Variants in SLC22A11 observed in about 807,000 individuals in gnomAD.
SLC22A11 encodes the protein solute carrier family 22 member 11.
In SLC22A11, 42 loss-of-function variants were observed where a neutral mutation model predicts 49.4. The observed-to-expected ratio is 0.85, with a 90% CI of 0.66 to 1.10. SLC22A11 has a LOEUF of 1.10. SLC22A11 is among the 50% of genes least tolerant of loss of function. The probability of loss-of-function intolerance (pLI) is 0.00; values close to 1 mark genes in which losing one functional copy is unlikely to be tolerated. For missense variants in SLC22A11, 685 were observed against 731.6 expected (o/e 0.94, Z 0.74); for synonymous variants, 304 against 315.8 (o/e 0.96, Z 0.40).
Position 64,565,357 on chromosome 11 carries a change from C to G in SLC22A11, c.1058+20C>G. 1 of 1,539,064 alleles carries G rather than the reference C, an allele frequency of 6.5e-7. No homozygotes were observed. Among genetic ancestry groups the G allele is most frequent in the Non-Finnish European group, 8.8e-7 (1 of 1,140,812 alleles). ...GGTGAAGTACGCCGTCCTGGTGTCCCTCCCCAAGGCAGGGCTGGGACAGGC... is the reference window on the plus strand; with the variant it reads ...GGTGAAGTACGCCGTCCTGGTGTCCGTCCCCAAGGCAGGGCTGGGACAGGC... On this transcript the variant is annotated intron_variant, in intron 6 of 9. Coordinates refer to ENST00000301891, the MANE Select transcript of SLC22A11 (RefSeq NM_018484.4). The surrounding 1 kb of genome is among the most constrained non-coding windows in gnomAD (Gnocchi z 4.1).
At chr11:64,569,524 A>T in intron 8 of SLC22A11, 128 bp from the exon 9 acceptor site, 3 of 924,188 alleles carry the variant, frequency 3.2e-6, no homozygotes, top group Non-Finnish European at 4.9e-6. Context: ...AGGTGGCATT[A>T]GAGGAGGCCT....
At chr11:64,556,527 C>T (rs2038462792) in intron 1 of SLC22A11, 135 bp downstream of exon 1, 1 of 1,369,342 alleles carries the variant, frequency 7.3e-7, no homozygotes, top group Non-Finnish European at 9.9e-7. Context: ...TCGTCAGCCA[C>T]ACACAGGGGA....
At chr11:64,568,222 G>C (rs962386281) in intron 7 of SLC22A11, among the ~76,000 whole-genome samples, 5 of 152,210 alleles carry the variant, frequency 3.3e-5, no homozygotes, top group African/African-American at 1.2e-4. Flanking sequence ...CAACGCGTTG[G>C]GGAGGCCAGG....
rs2038592477 is a variant in SLC22A11 at position 64,564,292 on chromosome 11, A to T, written c.822-16A>T. 1 of 1,613,602 alleles carries T rather than the reference A, an allele frequency of 6.2e-7. No individual in the cohort carries two copies. Among genetic ancestry groups the T allele is most frequent in the East Asian group, 2.2e-5 (1 of 44,874 alleles). On this transcript the variant is annotated splice_polypyrimidine_tract_variant and intron_variant, in intron 4 of 9. Coordinates refer to ENST00000301891, the MANE Select transcript of SLC22A11 (RefSeq NM_018484.4). This position sits in a 1 kb window ranked among gnomAD's most constrained non-coding sequence, Gnocchi z 4.2. ...GCCCAGCGTGCACTCCCAGCTACAC[A>T]CCTGCCTCCTTACAGGTGGCTGCCA...
chr11:64,556,255 C>A lies in SLC22A11; in HGVS notation c.256C>A (p.Arg86Ser). 1 of 1,613,844 alleles carries A rather than the reference C, an allele frequency of 6.2e-7. No homozygotes were observed. Among genetic ancestry groups the A allele is most frequent in the Non-Finnish European group, 8.5e-7 (1 of 1,180,030 alleles). ...CCCCAACCAGGGGCCCCACCAGTGC[C>A]GCCGCTTCCGCCAGCCACAGTGGCA... ...PGPNQGPHQC[R>S]RFRQPQWQLL... The change falls in exon 1 of 10, where the codon CGC (arginine) becomes AGC (serine). Residue 86 changes from arginine (R) to serine (S), a missense_variant. Coordinates refer to ENST00000301891, the MANE Select transcript of SLC22A11 (RefSeq NM_018484.4).
Position 64,564,519 on chromosome 11 carries a change from G to T in SLC22A11, c.942+91G>T. ...GCCTCCAACAGCACCACCCACTCCAGCACCACCTCCACCAGCACCACCACC... is the reference window on the plus strand; with the variant it reads ...GCCTCCAACAGCACCACCCACTCCATCACCACCTCCACCAGCACCACCACC... On this transcript the variant is annotated intron_variant, in intron 5 of 9. Transcript: ENST00000301891. This position sits in a 1 kb window ranked among gnomAD's most constrained non-coding sequence, Gnocchi z 4.2. 1.3e-6 allele frequency: 2 copies of T among 1,495,124 alleles called. No homozygotes were observed. The highest frequency in any genetic ancestry group is 2.0e-4 in the Middle Eastern group (1 of 4,916). The allele number at this position is 1,495,124 out of a possible 1,614,324, so 92.6% of individuals were successfully genotyped here. A position where few individuals can be genotyped will look rare whatever the true frequency, so the allele number is the denominator to read the frequency against.
rs754899600 is a variant in SLC22A11, at chr11:64,567,774, G to C, written c.1234G>C (p.Ala412Pro). The C allele has an allele frequency of 1.2e-5, 20 of 1,609,798 alleles. 2 individuals are homozygous for C. The South Asian group carries it at 2.1e-4, about 17-fold the overall frequency. ...CATCCAGGCGGGTTCCCAGGCCATG[G>C]CCGGCCTCGCCATTCTAGCCAACAT... ...RTIQAGSQAM[A>P]GLAILANMLV... Residue 412 changes from alanine (A) to proline (P), a missense_variant, in exon 7 of 10, where the codon GCC becomes CCC. By Grantham distance (27) the Ala-to-Pro change is conservative (BLOSUM62 -1). Transcript: ENST00000301891.
chr11:64,563,196 C>G (rs1591374353), intron 4 of SLC22A11, among the ~76,000 whole-genome samples: 1 of 152,236 alleles, frequency 6.6e-6, no homozygotes, highest in East Asian at 1.9e-4. Context: ...CCCATAATTA[C>G]AATAATTAGG....
At chr11:64,557,045 CTT>C (rs2038472447) in intron 1 of SLC22A11, among the ~76,000 whole-genome samples, 1 of 152,158 alleles carries the variant, frequency 6.6e-6, no homozygotes, top group Non-Finnish European at 1.5e-5. Context: ...AGCAGGGAGA[CTT>C]CAAGAAGCAT....
chr11:64,561,903 T>A, intron 2 of SLC22A11, 101 bp from the exon 3 acceptor site: 1 of 1,370,302 alleles, frequency 7.3e-7, no homozygotes, highest in Non-Finnish European at 9.9e-7. Context: ...CTGCAAGAGA[T>A]CCCCTGGCGT....
Position 64,569,706 on chromosome 11 carries a change from TC to T in SLC22A11, c.1441del (p.Leu481Ter), listed in dbSNP as rs1208767443. The T allele has an allele frequency of 1.2e-6, 2 of 1,614,028 alleles. No individual in the cohort carries two copies. The highest frequency in any genetic ancestry group is 2.7e-5 in the African/African-American group (2 of 75,010). On this transcript the variant is annotated frameshift_variant, in exon 9 of 10. Transcript: ENST00000301891. LOFTEE classifies it high-confidence loss of function. ...TGGGCCGGCTGGGGGCTATGATGGG[TC>T]CCCTGATCCTGATGAGCCGCCAAGC... is the stretch of plus-strand genomic sequence containing the variant. ...TVGRLGAMMG[P>X]LILMSRQALP... is the part of the protein sequence containing the mutation.
At chr11:64,560,625 G>A (rs373149798) in intron 2 of SLC22A11, among the ~76,000 whole-genome samples, 2 of 152,276 alleles carry the variant, frequency 1.3e-5, no homozygotes, top group South Asian at 2.1e-4. Context: ...ACTCCTGCCC[G>A]GCCCCAGGCA....
In SLC22A11 at chr11:64,562,896, G is replaced by A. The variant is rs1427223080; in HGVS notation, c.821+461G>A. The stretch of plus-strand genomic sequence containing the variant: ...CCCCTGGGCTGAGGCTGTGAGCATC[G>A]TCCTTCCTCAATACTTGCACCAGCC... On this transcript the variant is annotated intron_variant, in intron 4 of 9. Transcript: ENST00000301891. This position sits in a 1 kb window ranked among gnomAD's most constrained non-coding sequence, Gnocchi z 4.4. Among the ~76,000 whole-genome samples, 2 of 152,138 alleles carry A rather than the reference G, an allele frequency of 1.3e-5. No homozygotes were observed. Among genetic ancestry groups the A allele is most frequent in the African/African-American group, 4.8e-5 (2 of 41,402 alleles).
Position 64,564,089 on chromosome 11 carries a change from G to A in SLC22A11, c.822-219G>A, listed in dbSNP as rs1392969013. 3.3e-5 allele frequency among the ~76,000 whole-genome samples: 5 copies of A among 152,176 alleles called. No homozygotes were observed. Among genetic ancestry groups the A allele is most frequent in the African/African-American group, 1.2e-4 (5 of 41,454 alleles). ...GGGCAGCCAGGCGAGCCAGATGGAG[G>A]TGGCTCGCTTGGGAAGGTGGGCGGC... On this transcript the variant is annotated intron_variant, in intron 4 of 9. Transcript: ENST00000301891. This position sits in a 1 kb window ranked among gnomAD's most constrained non-coding sequence, Gnocchi z 4.2.
chr11:64,562,382 G>T lies in SLC22A11; in HGVS notation c.768G>T (p.Arg256Ser), dbSNP rs2038562365. ...GGLAFALRDW[R>S]TLQLAASVPF... Reference sequence around the variant, plus strand: ...TGGCCTTTGCCCTGCGGGACTGGAGGACTCTCCAGCTGGCAGCATCAGTGC... The same window carrying T: ...TGGCCTTTGCCCTGCGGGACTGGAGTACTCTCCAGCTGGCAGCATCAGTGC... Residue 256 changes from arginine (R) to serine (S), a missense_variant, in exon 4 of 10, where the codon AGG (arginine) becomes AGT (serine). By Grantham distance (110) the Arg-to-Ser change is moderately radical. Coordinates refer to ENST00000301891, the MANE Select transcript of SLC22A11 (RefSeq NM_018484.4). The surrounding 1 kb of genome is among the most constrained non-coding windows in gnomAD (Gnocchi z 4.4). 6.2e-7 allele frequency: 1 copy of T among 1,608,002 alleles called. No homozygotes were observed. Among genetic ancestry groups the T allele is most frequent in the Non-Finnish European group, 8.5e-7 (1 of 1,176,906 alleles).
chr11:64,560,348 G>C (rs888991907), intron 2 of SLC22A11, among the ~76,000 whole-genome samples: 1 of 152,064 alleles, frequency 6.6e-6, no homozygotes, highest in African/African-American at 2.4e-5. Context: ...CTCGGAGGTT[G>C]ATCTGGTCAA....
rs756850871 is a variant in SLC22A11 at position 64,567,630 on chromosome 11, G to T, written c.1090G>T (p.Val364Phe). 5 of 1,614,100 alleles carry T rather than the reference G, an allele frequency of 3.1e-6. No individual in the cohort carries two copies. The South Asian group carries it at 5.5e-5, about 18-fold the overall frequency. ...TCTATTGATCTCCTACTATGGGCTG[G>T]TCTTCGACCTGCAGAGCCTGGGCCG... ...FSLLISYYGL[V>F]FDLQSLGRDI... The change falls in exon 7 of 10, where the codon GTC becomes TTC. Residue 364 changes from valine to phenylalanine, a missense_variant. Physicochemically the swap from Val to Phe is conservative, Grantham distance 50. Coordinates refer to ENST00000301891, the MANE Select transcript of SLC22A11 (RefSeq NM_018484.4).
intron 7 of SLC22A11, among the ~76,000 whole-genome samples, chr11:64,568,408 T>G (rs1301671952): frequency 7.2e-5 from 11 of 152,170 alleles, no homozygotes. Context: ...ATTCTTTCAG[T>G]GCAGCCTCCA....
At chr11:64,569,602 G>A in intron 8 of SLC22A11, 50 bp from the exon 9 acceptor site, 1 of 1,567,632 alleles carries the variant, frequency 6.4e-7, no homozygotes, top group Non-Finnish European at 8.7e-7. Context: ...ATGTCTTCCT[G>A]CCACAGGGCC....
Sources: allele counts gnomAD v4.1 joint callset (sites outside exome capture counted in the v4.1 genomes callset), GRCh38; gene constraint gnomAD v4.1.1; non-coding constraint Gnocchi (gnomAD v3.1); transcripts MANE v1.5; gene names NCBI Gene and HGNC (gene_info 2026-07-23, HGNC 2026-07-21).